Variants in FRYL observed in about 807,000 individuals in gnomAD.
FRYL encodes FRY like transcription coactivator, also known as protein furry homolog-like.
A neutral mutation model predicts 351.2 loss-of-function variants in FRYL; 150 were observed. That is an observed-to-expected ratio of 0.43 (90% confidence interval 0.37 to 0.49). FRYL has a LOEUF of 0.49. FRYL is among the 20% of genes least tolerant of loss of function. The pLI is 0.00. For synonymous variants in FRYL, 1,153 were observed against 1,257.1 expected, an observed-to-expected ratio of 0.92 and a Z score of 1.75; for missense variants, 3,036 against 3,619.3, an observed-to-expected ratio of 0.84 and a Z score of 4.13.
chr4:48,531,295 C>T lies in FRYL; in HGVS notation c.6764G>A (p.Ser2255Asn). 1 of 1,613,778 alleles carries T rather than the reference C, an allele frequency of 6.2e-7. No homozygotes were observed. The highest frequency in any genetic ancestry group is 8.5e-7 in the Non-Finnish European group (1 of 1,179,756). Residue 2255 changes from serine to asparagine, a missense_variant, in exon 50 of 64, where the codon AGT becomes AAT. Transcript: ENST00000358350. ...ILKLVVSRSASLVVPSDIPKT... is the reference protein window; with the variant it reads ...ILKLVVSRSANLVVPSDIPKT... ...GGGGATATCACTGGGTACGACAAGACTCGCAGAGCGTGACACCACCAGCTT... is the reference window on the plus strand; with the variant it reads ...GGGGATATCACTGGGTACGACAAGATTCGCAGAGCGTGACACCACCAGCTT...
intron 1 of FRYL, among the ~76,000 whole-genome samples, chr4:48,736,861 A>AAG (rs1227647003): frequency 6.6e-6 from 1 of 150,486 alleles, no homozygotes; most frequent in Non-Finnish European, 1.5e-5. Flanking sequence ...AAAAAAAAAA[A>AAG]AAAAAAAAAG....
At chr4:48,577,096 C>A (rs1413486624) in intron 23 of FRYL, among the ~76,000 whole-genome samples, 1 of 152,030 alleles carries the variant, frequency 6.6e-6, no homozygotes, top group Non-Finnish European at 1.5e-5. Flanking sequence ...TAGCTAATAG[C>A]AATTTTTCCC....
In FRYL at chr4:48,710,584, C is replaced by G. The variant is rs1578792202; in HGVS notation, c.-269G>C. 5.0e-6 allele frequency: 2 copies of G among 398,622 alleles called. No homozygotes were observed. The highest frequency in any genetic ancestry group is 8.8e-6 in the Non-Finnish European group (2 of 226,064). 24.7% of individuals were successfully genotyped at this position (398,622 alleles called of 1,614,324 possible). ...GACACCAAGTTTGGAAAGGATCCAT[C>G]TAGAAGCTTTTTTGATCTGGAGCTT... On this transcript the variant is annotated 5_prime_UTR_variant, in exon 2 of 64. Coordinates refer to ENST00000358350, the MANE Select transcript of FRYL (RefSeq NM_015030.2).
At chr4:48,642,257 G>A (rs926679083) in intron 3 of FRYL, among the ~76,000 whole-genome samples, 1 of 151,738 alleles carries the variant, frequency 6.6e-6, no homozygotes, top group African/African-American at 2.4e-5. Context: ...TCAAGCTTAT[G>A]CATGCCTTCA....
At chr4:48,713,945 C>A (rs1436464295) in intron 1 of FRYL, among the ~76,000 whole-genome samples, 2 of 151,998 alleles carry the variant, frequency 1.3e-5, no homozygotes, top group Non-Finnish European at 2.9e-5. Flanking sequence ...TGCAATCAAA[C>A]TAGAACTCAG....
chr4:48,589,839 C>T lies in FRYL; in HGVS notation c.1546G>A (p.Asp516Asn). The change falls in exon 18 of 64, where the codon GAT becomes AAT. Residue 516 changes from aspartate to asparagine, a missense_variant. Physicochemically the swap from Asp to Asn is conservative, Grantham distance 23. Around this residue, in one of 7 missense-constraint regions of FRYL, gnomAD observed 78 missense variants for 106.6 expected, o/e 0.73. Transcript: ENST00000358350. ...TTGTCCAAATGTCTGAGGATGCTAT[C>T]TAATGCTTTTCTTACTTGAGGATAG... ...VYYPQVRKAL[D>N]SILRHLDKEV... The T allele has an allele frequency of 1.2e-6, 2 of 1,613,614 alleles. No individual in the cohort carries two copies. The highest frequency in any genetic ancestry group is 1.7e-6 in the Non-Finnish European group (2 of 1,179,618).
Position 48,634,452 on chromosome 4 carries a change from A to C in FRYL, c.-42T>G, listed in dbSNP as rs766460636. On this transcript the variant is annotated 5_prime_UTR_variant, in exon 4 of 64. Transcript: ENST00000358350. ...CCCCAAGTGGAATGAAAGTTGGAAG[A>C]AGCACAGTATTTATTTACTTTGCTG... 11 of 1,612,226 alleles carry C rather than the reference A, an allele frequency of 6.8e-6. No homozygotes were observed. The highest frequency in any genetic ancestry group is 1.3e-5 in the African/African-American group (1 of 74,970).
At chr4:48,743,129 G>A (rs1772302628) in intron 1 of FRYL, among the ~76,000 whole-genome samples, 1 of 151,772 alleles carries the variant, frequency 6.6e-6, no homozygotes, top group African/African-American at 2.4e-5. Context: ...AATCTGAGAT[G>A]TTTAAAGGTA....
chr4:48,642,071 A>G (rs998485558), intron 3 of FRYL, among the ~76,000 whole-genome samples: 9 of 152,204 alleles, frequency 5.9e-5, no homozygotes, highest in African/African-American at 2.2e-4. Context: ...ACTCACTATC[A>G]TAAACTAAAT....
intron 1 of FRYL, among the ~76,000 whole-genome samples, chr4:48,758,353 G>T (rs1025227515): frequency 2.0e-4 from 31 of 152,152 alleles, no homozygotes; most frequent in Non-Finnish European, 2.9e-4. Flanking sequence ...CTAATATCCA[G>T]AATCTACAAA....
intron 1 of FRYL, among the ~76,000 whole-genome samples, chr4:48,716,575 T>C (rs1037636462): frequency 2.6e-5 from 4 of 151,406 alleles, no homozygotes; most frequent in Non-Finnish European, 5.9e-5. Context: ...CAATGAGATA[T>C]CATCTCACAC....
chr4:48,680,502 A>T (rs2149537903), intron 3 of FRYL, among the ~76,000 whole-genome samples: 2 of 152,070 alleles, frequency 1.3e-5, no homozygotes, highest in Admixed American at 1.3e-4. Context: ...CTATTCAAAG[A>T]TTTAACTTTT....
intron 2 of FRYL, among the ~76,000 whole-genome samples, chr4:48,700,815 T>TAA (rs752255645): frequency 5.1e-5 from 7 of 136,498 alleles, no homozygotes; most frequent in South Asian, 2.4e-4. Context: ...AAAATTAAAT[T>TAA]AAAAAAAAAA....
At chr4:48,751,712 G>A (rs1773263931) in intron 1 of FRYL, among the ~76,000 whole-genome samples, 1 of 152,150 alleles carries the variant, frequency 6.6e-6, no homozygotes, top group African/African-American at 2.4e-5. Flanking sequence ...TAATTAAGAA[G>A]CTGCCTTAAT....
At chr4:48,671,873 C>CAAAAA (rs71191252) in intron 3 of FRYL, among the ~76,000 whole-genome samples, 4 of 51,832 alleles carry the variant, frequency 7.7e-5, no homozygotes, top group South Asian at 7.7e-4. Flanking sequence ...AAAAAAAAAA[C>CAAAAA]AAAAAAAAAA....
At chr4:48,544,089 C>G in intron 43 of FRYL, 92 bp from the exon 44 acceptor site, 3 of 1,046,242 alleles carry the variant, frequency 2.9e-6, no homozygotes, top group Non-Finnish European at 2.8e-6. Context: ...AAGCTAGCAG[C>G]TAGCACACTT....
chr4:48,542,129 G>C lies in FRYL; in HGVS notation c.5593-8C>G. The C allele has an allele frequency of 6.3e-7, 1 of 1,590,176 alleles. No homozygotes were observed. The highest frequency in any genetic ancestry group is 1.1e-5 in the South Asian group (1 of 90,446). On this transcript the variant is annotated splice_region_variant and splice_polypyrimidine_tract_variant and intron_variant, in intron 44 of 63. Coordinates refer to ENST00000358350, the MANE Select transcript of FRYL (RefSeq NM_015030.2). ...AAGCTCAATCACAAATCCCTGGGGG[G>C]AAAAAGGCAGATTTTAATTAATTAT...
chr4:48,550,566 T>C (rs373677653), intron 38 of FRYL, 26 bp downstream of exon 38: 9 of 1,330,858 alleles, frequency 6.8e-6, no homozygotes, highest in African/African-American at 2.9e-5. Context: ...CTTATAGTTA[T>C]ATTAAAAACA....
At chr4:48,545,194 G>A (rs1036769359) in intron 42 of FRYL, among the ~76,000 whole-genome samples, 1 of 152,152 alleles carries the variant, frequency 6.6e-6, no homozygotes, top group African/African-American at 2.4e-5. Context: ...TGTGTTCCAG[G>A]TCAAAATATA....
Sources: gnomAD v4.1 joint callset for allele counts (sites outside exome capture counted in the v4.1 genomes callset) on GRCh38, gnomAD v4.1.1 for gene constraint, gnomAD v4.1.1 regional missense constraint, MANE v1.5 for transcripts, NCBI Gene and HGNC (gene_info 2026-07-23, HGNC 2026-07-21) for gene names.